MACROD2: variants seen among roughly 807,000 people sequenced by gnomAD.
MACROD2 encodes mono-ADP ribosylhydrolase 2, also known as ADP-ribose glycohydrolase MACROD2.
A neutral mutation model predicts 70.4 loss-of-function variants in MACROD2; 36 were observed. That is an observed-to-expected ratio of 0.51 (90% CI 0.39 to 0.68). MACROD2 has a LOEUF of 0.68. Among genes scored for constraint, MACROD2 ranks in the 30% least tolerant of loss-of-function variants. MACROD2 has a pLI of 0.00. For synonymous variants in MACROD2, 172 were observed against 178.8 expected (o/e 0.96, Z 0.30); for missense variants, 496 against 538.4 (o/e 0.92, Z 0.78).
chr20:15,371,119 G>C (rs2045485593), intron 6 of MACROD2, among the ~76,000 whole-genome samples: 1 of 152,044 alleles, frequency 6.6e-6, no homozygotes, highest in Admixed American at 6.5e-5. Context: ...ATATTCATAA[G>C]TCACTGAAAA....
intron 5 of MACROD2, among the ~76,000 whole-genome samples, chr20:14,911,919 A>T (rs2074032448): frequency 6.6e-6 from 1 of 152,132 alleles, no homozygotes; most frequent in Admixed American, 6.5e-5. Context: ...AAATGACAGC[A>T]CTGGGATTCA....
At chr20:14,748,130 C>T (rs1193269728) in intron 5 of MACROD2, among the ~76,000 whole-genome samples, 1 of 152,076 alleles carries the variant, frequency 6.6e-6, no homozygotes, top group African/African-American at 2.4e-5. Context: ...GTCTTGAGTG[C>T]TCTTCTCCCC....
chr20:14,024,070 T>C (rs1328878958), intron 2 of MACROD2, among the ~76,000 whole-genome samples: 3 of 152,228 alleles, frequency 2.0e-5, no homozygotes, highest in Non-Finnish European at 2.9e-5. Context: ...TCCTCTCTTA[T>C]TTCCTTGAGC....
chr20:14,693,352 C>T (rs1441727840), intron 5 of MACROD2, among the ~76,000 whole-genome samples: 1 of 152,154 alleles, frequency 6.6e-6, no homozygotes, highest in Admixed American at 6.5e-5. Flanking sequence ...ATTTAGGATG[C>T]CCTGAGGTCA....
At chr20:15,296,411 C>A (rs1953184011) in intron 6 of MACROD2, among the ~76,000 whole-genome samples, 2 of 152,088 alleles carry the variant, frequency 1.3e-5, no homozygotes, top group Admixed American at 6.5e-5. Context: ...TTGATGACTA[C>A]AAGGGTATTA....
chr20:15,926,774 C>T (rs2065495918), intron 10 of MACROD2, among the ~76,000 whole-genome samples: 1 of 152,126 alleles, frequency 6.6e-6, no homozygotes, highest in Non-Finnish European at 1.5e-5. Flanking sequence ...ATGGCTGCAG[C>T]GACTGAACCA....
At chr20:14,672,789 T>C (rs1478622336) in intron 4 of MACROD2, among the ~76,000 whole-genome samples, 1 of 152,196 alleles carries the variant, frequency 6.6e-6, no homozygotes, top group African/African-American at 2.4e-5. Context: ...GATTGTATAG[T>C]TCTCTCAGTA....
Position 15,936,975 on chromosome 20 carries a change from G to C in MACROD2, c.839-501G>C, listed in dbSNP as rs117397094. Reference sequence around the variant, plus strand: ...CTGGTGGCTTCTGGTGACCTGTGCCGAATGCTCCCCTTCTTCCAGGCCTCT... The same window carrying C: ...CTGGTGGCTTCTGGTGACCTGTGCCCAATGCTCCCCTTCTTCCAGGCCTCT... On this transcript the variant is annotated intron_variant, in intron 11 of 17. Transcript: ENST00000684519. 2.2e-4 allele frequency among the ~76,000 whole-genome samples: 34 copies of C among 152,234 alleles called. No individual in the cohort carries two copies. The East Asian group carries it at 4.8e-3, about 22-fold the overall frequency.
chr20:14,454,749 C>CTT (rs11087091), intron 3 of MACROD2, among the ~76,000 whole-genome samples: 81 of 80,620 alleles, frequency 1.0e-3, no homozygotes, highest in Non-Finnish European at 1.4e-3. Context: ...TCTCTACACT[C>CTT]TTTTTTTTTT....
intron 8 of MACROD2, among the ~76,000 whole-genome samples, chr20:15,553,680 A>C (rs900725515): frequency 2.0e-5 from 3 of 152,174 alleles, no homozygotes; most frequent in African/African-American, 7.2e-5. Context: ...TCAGCCTCCC[A>C]AAATTCCAGG....
chr20:14,919,344 C>T (rs1277485718), intron 5 of MACROD2, among the ~76,000 whole-genome samples: 1 of 152,170 alleles, frequency 6.6e-6, no homozygotes, highest in Non-Finnish European at 1.5e-5. Flanking sequence ...TTGAATAATG[C>T]TTCCTGCCAG....
intron 8 of MACROD2, among the ~76,000 whole-genome samples, chr20:15,697,438 T>G (rs925259813): frequency 1.2e-4 from 19 of 152,204 alleles, no homozygotes; most frequent in Non-Finnish European, 2.4e-4. Context: ...AATTTCAATT[T>G]TCTTAAATTT....
chr20:15,355,837 A>T (rs1328427929), intron 6 of MACROD2, among the ~76,000 whole-genome samples: 1 of 152,216 alleles, frequency 6.6e-6, no homozygotes, highest in African/African-American at 2.4e-5. Context: ...CCTTTCAGGA[A>T]TTAGGAAAAT....
At chr20:14,906,829 T>A (rs1288733548) in intron 5 of MACROD2, among the ~76,000 whole-genome samples, 1 of 152,172 alleles carries the variant, frequency 6.6e-6, no homozygotes, top group Non-Finnish European at 1.5e-5. Context: ...GCCTCTCTTG[T>A]CTTGTCATGG....
chr20:14,391,287 A>C (rs1187509584), intron 3 of MACROD2, among the ~76,000 whole-genome samples: 2 of 152,238 alleles, frequency 1.3e-5, no homozygotes, highest in South Asian at 2.1e-4. Flanking sequence ...AATACTATGC[A>C]GCCATAAAAG....
intron 5 of MACROD2, among the ~76,000 whole-genome samples, chr20:14,772,409 G>A (rs751264457): frequency 1.3e-5 from 2 of 151,980 alleles, no homozygotes; most frequent in Non-Finnish European, 2.9e-5. Context: ...AGTTTCATGG[G>A]GCCAGGGAAG....
At position 14,098,391 on chromosome 20, in the gene MACROD2, A is replaced by C. The variant is rs76655598; in HGVS notation, c.271+12663A>C. On this transcript the variant is annotated intron_variant, in intron 3 of 17. Transcript: ENST00000684519. ...AATTTGTATGAACCATTGACCAAGG[A>C]AAAGAATGGTTTTAGTGTACGTTAA... Among the ~76,000 whole-genome samples, 1,214 of 152,306 alleles carry C rather than the reference A, an allele frequency of 8.0e-3. 13 individuals carry two copies. Among genetic ancestry groups the C allele is most frequent in the African/African-American group, 0.028 (1,158 of 41,574 alleles).
At chr20:15,599,307 G>A (rs765007889) in intron 8 of MACROD2, among the ~76,000 whole-genome samples, 6 of 151,972 alleles carry the variant, frequency 3.9e-5, no homozygotes, top group Non-Finnish European at 5.9e-5. Context: ...CAGGGGAATC[G>A]CTTGAACCCG....
intron 5 of MACROD2, among the ~76,000 whole-genome samples, chr20:14,700,522 G>GGTGTGTGT (rs149689043): frequency 1.5e-4 from 17 of 111,464 alleles, no homozygotes; most frequent in African/African-American, 3.8e-4. Flanking sequence ...GACATATGGT[G>GGTGTGTGT]GTGTGTGTGT....
Sources: allele counts gnomAD v4.1 joint callset (sites outside exome capture counted in the v4.1 genomes callset), GRCh38; gene constraint gnomAD v4.1.1; transcripts MANE v1.5; gene names NCBI Gene and HGNC (gene_info 2026-07-23, HGNC 2026-07-21).